Variants in GALNT13 observed in about 807,000 individuals in gnomAD.
The protein encoded by GALNT13 is polypeptide N-acetylgalactosaminyltransferase 13, also known as UDP-GalNAc:polypeptide N-acetylgalactosaminyltransferase 13.
In GALNT13, 28 loss-of-function variants were observed where a neutral mutation model predicts 64.2. The ratio of observed to expected loss-of-function variants is 0.44; its 90% CI spans 0.32 to 0.60. GALNT13 has a LOEUF of 0.60. Among genes scored for constraint, GALNT13 ranks in the 20% least tolerant of loss-of-function variants. The pLI is 0.05. For synonymous variants in GALNT13, 214 were observed against 224.6 expected (o/e 0.95, Z 0.42); for missense variants, 577 against 669.8 (o/e 0.86, Z 1.53).
chr2:153,361,464 A>T, the GALNT13 span, among the ~76,000 whole-genome samples: 1 of 152,236 alleles, frequency 6.6e-6, no homozygotes, highest in Admixed American at 6.5e-5. Context: ...CAAAGAAGGT[A>T]AGAACCTTGA....
chr2:154,194,041 A>G (rs1440601153), intron 4 of GALNT13, among the ~76,000 whole-genome samples: 1 of 152,218 alleles, frequency 6.6e-6, no homozygotes, highest in African/African-American at 2.4e-5. Context: ...TCTAGACTGC[A>G]CAGCAGAATC....
the GALNT13 span, among the ~76,000 whole-genome samples, chr2:153,764,473 T>C: frequency 1.3e-4 from 19 of 151,926 alleles, no homozygotes; most frequent in Non-Finnish European, 2.5e-4. Context: ...GAGGTGGAGG[T>C]TGCAGTGAGC....
At chr2:154,120,602 T>C (rs1164591955) in intron 3 of GALNT13, among the ~76,000 whole-genome samples, 2 of 152,134 alleles carry the variant, frequency 1.3e-5, no homozygotes, top group African/African-American at 2.4e-5. Flanking sequence ...GGGTGGGCTT[T>C]TGTGCTGAGT....
the GALNT13 span, among the ~76,000 whole-genome samples, chr2:153,375,412 A>G: frequency 6.6e-6 from 1 of 152,106 alleles, no homozygotes; most frequent in African/African-American, 2.4e-5. Flanking sequence ...ACTGTTTTTC[A>G]TTCAGTTATT....
chr2:154,343,403 A>G (rs527414140), intron 9 of GALNT13, among the ~76,000 whole-genome samples: 15 of 152,086 alleles, frequency 9.9e-5, no homozygotes, highest in Non-Finnish European at 2.2e-4. Context: ...TGAATGACAC[A>G]TTAGGAAAAT....
the GALNT13 span, among the ~76,000 whole-genome samples, chr2:153,353,922 T>TC: frequency 1.3e-5 from 2 of 152,128 alleles, no homozygotes; most frequent in Non-Finnish European, 2.9e-5. Context: ...ACAGAATGGG[T>TC]TATAGAGTAT....
the GALNT13 span, among the ~76,000 whole-genome samples, chr2:153,326,537 G>T: frequency 6.6e-6 from 1 of 152,098 alleles, no homozygotes; most frequent in African/African-American, 2.4e-5. Context: ...TATGATGCTA[G>T]CTGGTTATTT....
downstream of GALNT13, among the ~76,000 whole-genome samples, chr2:154,455,183 T>G (rs1458451173): frequency 2.6e-5 from 4 of 152,126 alleles, no homozygotes; most frequent in Non-Finnish European, 5.9e-5. Context: ...GGTGGGAGGT[T>G]AGGATCATAT....
At chr2:153,228,315 A>G in the GALNT13 span, among the ~76,000 whole-genome samples, 1 of 152,188 alleles carries the variant, frequency 6.6e-6, no homozygotes, top group Non-Finnish European at 1.5e-5. Flanking sequence ...ATGAAATTCT[A>G]TTACTTTTCT....
the GALNT13 span, among the ~76,000 whole-genome samples, chr2:153,379,458 A>G: frequency 1.2e-4 from 18 of 152,132 alleles, no homozygotes; most frequent in African/African-American, 4.3e-4. Flanking sequence ...TCCTTTAGGG[A>G]AATTAATTTT....
At chr2:154,358,531 G>A (rs1025677813) in intron 9 of GALNT13, among the ~76,000 whole-genome samples, 6 of 152,064 alleles carry the variant, frequency 3.9e-5, no homozygotes, top group Admixed American at 3.3e-4. Flanking sequence ...TAAATTTGAA[G>A]TTTCTATGTA....
chr2:153,819,569 C>T, the GALNT13 span, among the ~76,000 whole-genome samples: 1 of 152,220 alleles, frequency 6.6e-6, no homozygotes, highest in Non-Finnish European at 1.5e-5. Flanking sequence ...CTGCCCAGCT[C>T]TGTCCCCTCA....
intron 3 of GALNT13, among the ~76,000 whole-genome samples, chr2:153,952,298 C>T (rs557892007): frequency 6.6e-6 from 1 of 152,034 alleles, no homozygotes; most frequent in Non-Finnish European, 1.5e-5. Flanking sequence ...TCCTGGCTCC[C>T]CCACTCATAT....
At chr2:153,231,446 T>G in the GALNT13 span, among the ~76,000 whole-genome samples, 1 of 152,222 alleles carries the variant, frequency 6.6e-6, no homozygotes, top group African/African-American at 2.4e-5. Context: ...TTAAAGATTT[T>G]GCACTGCCTT....
chr2:153,828,104 T>A, the GALNT13 span, among the ~76,000 whole-genome samples: 3 of 152,196 alleles, frequency 2.0e-5, no homozygotes, highest in Non-Finnish European at 4.4e-5. Context: ...CTTTGCAGGG[T>A]ACAGCCTCCT....
chr2:154,185,461 C>T (rs2348787), intron 4 of GALNT13, among the ~76,000 whole-genome samples: 6,057 of 151,854 alleles, frequency 0.04, 175 homozygotes, highest in Non-Finnish European at 0.058. Flanking sequence ...TTTCTCTATC[C>T]CTTCCGAGAT....
chr2:153,650,653 A>G, the GALNT13 span, among the ~76,000 whole-genome samples: 2 of 152,290 alleles, frequency 1.3e-5, no homozygotes, highest in South Asian at 4.1e-4. Flanking sequence ...CTTTTAGGGC[A>G]GGCCTGGTGG....
the GALNT13 span, among the ~76,000 whole-genome samples, chr2:153,631,320 A>T: frequency 6.6e-6 from 1 of 152,180 alleles, no homozygotes; most frequent in Admixed American, 6.5e-5. Context: ...GTTTGGGTAT[A>T]TACCCAGTAA....
chr2:153,098,273 A>C, the GALNT13 span, among the ~76,000 whole-genome samples: 55 of 152,266 alleles, frequency 3.6e-4, 1 homozygote, highest in South Asian at 0.01. Flanking sequence ...GTATTCCCTG[A>C]AGTCTTGCTT....
Sources: allele counts gnomAD v4.1 joint callset (sites outside exome capture counted in the v4.1 genomes callset), GRCh38; gene constraint gnomAD v4.1.1; transcripts MANE v1.5; gene names NCBI Gene and HGNC (gene_info 2026-07-23, HGNC 2026-07-21).